P2RX6: variants seen among roughly 807,000 people sequenced by gnomAD.
The protein encoded by P2RX6 is P2X purinoceptor 6.
P2RX6 carries 62 observed loss-of-function variants against 54.2 expected under a neutral mutation model. That is an observed-to-expected ratio of 1.14 (90% CI 0.93 to 1.41). The LOEUF is 1.41. Ranked by LOEUF, P2RX6 falls within the 40% of genes most tolerant of loss-of-function variation. The pLI is 0.00. For missense variants in P2RX6, 541 were observed against 566.3 expected, an observed-to-expected ratio of 0.96 and a Z score of 0.45; for synonymous variants, 211 against 231.9, an observed-to-expected ratio of 0.91 and a Z score of 0.82.
intron 4 of P2RX6, 44 bp downstream of exon 4, chr22:21,022,795 G>T: frequency 6.6e-7 from 1 of 1,513,274 alleles, no homozygotes; most frequent in Non-Finnish European, 8.9e-7. Flanking sequence ...CAGGGTGGGG[G>T]CCGGGCTGGG....
At chr22:21,018,793 T>G (rs1210100581) in intron 3 of P2RX6, 4 of 139,976 alleles carry the variant, frequency 2.9e-5, no homozygotes, top group Admixed American at 1.5e-4. Flanking sequence ...TTTTTTTTTT[T>G]TGTATTTTTA....
In P2RX6 at chr22:21,026,631, G is replaced by T. The variant is rs1363569302; in HGVS notation, c.*14G>T. On this transcript the variant is annotated 3_prime_UTR_variant, in exon 12 of 12. Coordinates refer to ENST00000413302, the MANE Select transcript of P2RX6 (RefSeq NM_005446.5). This position sits in a 1 kb window ranked among gnomAD's most constrained non-coding sequence, Gnocchi z 4.0. ...GGGAGCCTGTAGCCGTTCCCTGCTG[G>T]TTGAGAGTTGGGGGCTGGGAAGGGC... The T allele has an allele frequency of 1.3e-6, 2 of 1,566,692 alleles. No homozygotes were observed. The highest frequency in any genetic ancestry group is 1.7e-6 in the Non-Finnish European group (2 of 1,156,138).
Position 21,027,044 on chromosome 22 carries a change from AC to A in P2RX6, c.*431del. On this transcript the variant is annotated 3_prime_UTR_variant, in exon 12 of 12. Coordinates refer to ENST00000413302, the MANE Select transcript of P2RX6 (RefSeq NM_005446.5). ...ATCTGCACCCCCATCATAGGTAGAG[AC>A]CCCACCCTCCCATCGGTCCTACATG... The A allele has an allele frequency of 5.1e-6, 1 of 196,962 alleles. No individual in the cohort carries two copies. The highest frequency in any genetic ancestry group is 1.0e-5 in the Non-Finnish European group (1 of 96,490). 12.2% of individuals were successfully genotyped at this position (196,962 alleles called of 1,614,324 possible).
At chr22:21,018,492 A>T in intron 3 of P2RX6, 1 of 235,204 alleles carries the variant, frequency 4.3e-6, no homozygotes, top group East Asian at 1.0e-4. Context: ...CTGGAATATC[A>T]CCTCCCCTTG....
intron 3 of P2RX6, among the ~76,000 whole-genome samples, chr22:21,019,598 G>A (rs891489683): frequency 6.6e-6 from 1 of 152,270 alleles, no homozygotes; most frequent in African/African-American, 2.4e-5. Flanking sequence ...ACAGGCGTGA[G>A]CCTGCCGAGA....
Position 21,027,743 on chromosome 22 carries a change from G to A in P2RX6, c.*1126G>A, listed in dbSNP as rs529346661. The A allele has an allele frequency of 6.6e-6, 1 of 152,484 alleles. No individual in the cohort carries two copies. The highest frequency in any genetic ancestry group is 2.1e-4 in the South Asian group (1 of 4,826). The allele number at this position is 152,484 out of a possible 1,614,324, so 9.4% of individuals were successfully genotyped here. ...TACCTGGTGATCAGGGCAAGCTGTGGAGGGCCAGGGGTGGGGCTGAGACTG... is the reference window on the plus strand; with the variant it reads ...TACCTGGTGATCAGGGCAAGCTGTGAAGGGCCAGGGGTGGGGCTGAGACTG... On this transcript the variant is annotated 3_prime_UTR_variant, in exon 12 of 12. Transcript: ENST00000413302.
At chr22:21,015,381 A>G in intron 1 of P2RX6, 43 bp downstream of exon 1, 1 of 1,438,458 alleles carries the variant, frequency 7.0e-7, no homozygotes, top group African/African-American at 1.6e-5. Flanking sequence ...GGGCAAGGGA[A>G]GAGGTGGGGG....
At chr22:21,021,889 G>T (rs1251312632) in intron 3 of P2RX6, among the ~76,000 whole-genome samples, 1 of 152,128 alleles carries the variant, frequency 6.6e-6, no homozygotes. Flanking sequence ...AAGGGTGTGG[G>T]GTCCTGCTTC....
In P2RX6 at chr22:21,023,230, C is replaced by G. The variant is rs558271113; in HGVS notation, c.638+32C>G. 2.0e-4 allele frequency: 326 copies of G among 1,613,884 alleles called. 4 individuals are homozygous for G. Among genetic ancestry groups the G allele is most frequent in the South Asian group, 1.7e-3 (159 of 91,074 alleles). On this transcript the variant is annotated intron_variant, in intron 6 of 11. Coordinates refer to ENST00000413302, the MANE Select transcript of P2RX6 (RefSeq NM_005446.5). ...AGAGTGGGTCTCATCTGCCCCAAGA[C>G]CCTCCTTGTCCCCTACCTCATCTGA...
intron 8 of P2RX6, among the ~76,000 whole-genome samples, chr22:21,024,211 A>G (rs2148073237): frequency 6.6e-6 from 1 of 151,600 alleles, no homozygotes; most frequent in South Asian, 2.1e-4. Flanking sequence ...CACCCACCTC[A>G]GCCTCCCGAA....
In P2RX6 at chr22:21,023,217, A is replaced by G. The variant is rs781679448; in HGVS notation, c.638+19A>G. The G allele has an allele frequency of 6.2e-7, 1 of 1,612,204 alleles. No homozygotes were observed. Among genetic ancestry groups the G allele is most frequent in the African/African-American group, 1.3e-5 (1 of 74,864 alleles). ...TCTCTAAGTAAGCAGAGTGGGTCTC[A>G]TCTGCCCCAAGACCCTCCTTGTCCC... On this transcript the variant is annotated intron_variant, in intron 6 of 11. Coordinates refer to ENST00000413302, the MANE Select transcript of P2RX6 (RefSeq NM_005446.5).
chr22:21,023,371 C>G lies in P2RX6; in HGVS notation c.735C>G (p.Asp245Glu), dbSNP rs762468067. 1 of 1,613,992 alleles carries G rather than the reference C, an allele frequency of 6.2e-7. No homozygotes were observed. The highest frequency in any genetic ancestry group is 2.2e-5 in the East Asian group (1 of 44,884). Residue 245 changes from aspartate (D) to glutamate (E), a missense_variant, in exon 7 of 12, where the codon GAC becomes GAG. Coordinates refer to ENST00000413302, the MANE Select transcript of P2RX6 (RefSeq NM_005446.5). Reference sequence around the variant, plus strand: ...ACTGTCCCGTGTTCCGCATTGGGGACCTCGTGGCCAAGGCTGGAGGGACCT... The same window carrying G: ...ACTGTCCCGTGTTCCGCATTGGGGAGCTCGTGGCCAAGGCTGGAGGGACCT... ...SPYCPVFRIG[D>E]LVAKAGGTFE...
intron 1 of P2RX6, among the ~76,000 whole-genome samples, chr22:21,015,638 ACCAC>A (rs147157997): frequency 5.5e-4 from 83 of 152,006 alleles, no homozygotes; most frequent in African/African-American, 1.9e-3. Context: ...CCCCAGAGAG[ACCAC>A]CAGCTGTATC....
At chr22:21,014,159 G>A, upstream of P2RX6, 1 of 156,116 alleles carries the variant, frequency 6.4e-6, no homozygotes, top group Non-Finnish European at 1.4e-5. Flanking sequence ...TCCACAGGCC[G>A]CCGTCGCCTC....
At position 21,026,203 on chromosome 22, in the gene P2RX6, G is replaced by A. The variant is rs1928419565; in HGVS notation, c.1051-49G>A. ...CGGGGTGCAGGCTGGGGAGGTGGCA[G>A]GAGAGCAGGCTCGGGGGCTGGAACA... is the stretch of plus-strand genomic sequence containing the variant. On this transcript the variant is annotated intron_variant, in intron 10 of 11. Coordinates refer to ENST00000413302, the MANE Select transcript of P2RX6 (RefSeq NM_005446.5). The surrounding 1 kb of genome is among the most constrained non-coding windows in gnomAD (Gnocchi z 4.0). 3 of 1,552,392 alleles carry A rather than the reference G, an allele frequency of 1.9e-6. No homozygotes were observed. Among genetic ancestry groups the A allele is most frequent in the Non-Finnish European group, 2.6e-6 (3 of 1,144,402 alleles).
In P2RX6 at chr22:21,025,909, G is replaced by A; in HGVS notation, c.984+11G>A. On this transcript the variant is annotated intron_variant, in intron 9 of 11. Coordinates refer to ENST00000413302, the MANE Select transcript of P2RX6 (RefSeq NM_005446.5). Reference sequence around the variant, plus strand: ...CTCGTCACCGGGCAGGTAGGCACAGGTAGGGGTCAGGCCGGGGATGGGATG... The same window carrying A: ...CTCGTCACCGGGCAGGTAGGCACAGATAGGGGTCAGGCCGGGGATGGGATG... 2 of 1,580,186 alleles carry A rather than the reference G, an allele frequency of 1.3e-6. No individual in the cohort carries two copies. The highest frequency in any genetic ancestry group is 1.7e-6 in the Non-Finnish European group (2 of 1,163,302).
At position 21,015,212 on chromosome 22, in the gene P2RX6, C is replaced by T. The variant is rs748809778; in HGVS notation, c.38C>T (p.Ser13Phe). The change falls in exon 1 of 12, where the codon TCC (serine) becomes TTC (phenylalanine). Residue 13 changes from serine to phenylalanine, a missense_variant. Around this residue, in one of 2 missense-constraint regions of P2RX6, gnomAD observed 15 missense variants for 34.8 expected, o/e 0.43. Coordinates refer to ENST00000413302, the MANE Select transcript of P2RX6 (RefSeq NM_005446.5). ...CTAGCAGGAGCTGGCAGCATGGGCT[C>T]CCCAGGGGCTACGACAGGCTGGGGG... ...PQLAGAGSMG[S>F]PGATTGWGLL... The T allele has an allele frequency of 4.6e-6, 7 of 1,528,976 alleles. No homozygotes were observed. The highest frequency in any genetic ancestry group is 1.7e-4 in the Middle Eastern group (1 of 5,750). 94.7% of individuals were successfully genotyped at this position (1,528,976 alleles called of 1,614,324 possible). A position where few individuals can be genotyped will look rare whatever the true frequency, so the allele number is the denominator to read the frequency against.
chr22:21,013,357 C>T (rs373880029), upstream of P2RX6, among the ~76,000 whole-genome samples: 3 of 152,300 alleles, frequency 2.0e-5, no homozygotes, highest in Non-Finnish European at 4.4e-5. Flanking sequence ...GCTAAGGCAA[C>T]GCAAATCTTT....
At position 21,025,849 on chromosome 22, in the gene P2RX6, C is replaced by T. The variant is rs1283801845; in HGVS notation, c.935C>T (p.Thr312Ile). The change falls in exon 9 of 12, where the codon ACC becomes ATC. Residue 312 changes from threonine (T) to isoleucine (I), a missense_variant. Thr to Ile is a moderately conservative substitution (Grantham distance 89). Transcript: ENST00000413302. ...GAGCAACCGGGTGTGGAGGCCCGCA[C>T]CCTGCTCAAGCTCTATGGAATCCGC... ...WWEQPGVEAR[T>I]LLKLYGIRFD... The T allele has an allele frequency of 6.4e-7, 1 of 1,570,372 alleles. No homozygotes were observed. Among genetic ancestry groups the T allele is most frequent in the East Asian group, 2.4e-5 (1 of 42,224 alleles).
Sources: allele counts gnomAD v4.1 joint callset (sites outside exome capture counted in the v4.1 genomes callset), GRCh38; gene constraint gnomAD v4.1.1; regional missense constraint gnomAD v4.1.1; non-coding constraint Gnocchi (gnomAD v3.1); transcripts MANE v1.5; gene names NCBI Gene and HGNC (gene_info 2026-07-23, HGNC 2026-07-21).